The following KCNIP1 variants were observed in gnomAD, a reference collection of about 807,000 sequenced individuals.
KCNIP1 encodes the protein potassium voltage-gated channel interacting protein 1, also known as A-type potassium channel modulatory protein KCNIP1.
In KCNIP1, 18 loss-of-function variants were observed where a neutral mutation model predicts 33.0. The observed-to-expected ratio is 0.55, with a 90% CI of 0.38 to 0.81. The LOEUF is 0.81. Among genes scored for constraint, KCNIP1 ranks in the 30% least tolerant of loss-of-function variants. KCNIP1 has a pLI of 0.00. For missense variants in KCNIP1, 238 were observed against 271.6 expected (o/e 0.88, Z 0.87); for synonymous variants, 93 against 98.3 (o/e 0.95, Z 0.32).
At chr5:170,416,880 C>T (rs1354848497) in intron 1 of KCNIP1, among the ~76,000 whole-genome samples, 1 of 152,168 alleles carries the variant, frequency 6.6e-6, no homozygotes, top group African/African-American at 2.4e-5. Context: ...ACTAAAATTT[C>T]TAAGATATGT....
chr5:170,378,717 G>A (rs200312354), intron 1 of KCNIP1: 56 of 1,611,134 alleles, frequency 3.5e-5, no homozygotes, highest in Middle Eastern at 1.6e-4. Context: ...CTTCTGGGCC[G>A]CCAGGATGGA....
At chr5:170,626,489 AG>A (rs1371187110) in intron 1 of KCNIP1, among the ~76,000 whole-genome samples, 2 of 152,212 alleles carry the variant, frequency 1.3e-5, no homozygotes, top group Admixed American at 6.5e-5. Flanking sequence ...CCGACTAGGA[AG>A]GAGTATGTGC....
intron 1 of KCNIP1, among the ~76,000 whole-genome samples, chr5:170,695,951 G>A (rs996285484): frequency 2.0e-5 from 3 of 150,214 alleles, no homozygotes; most frequent in Non-Finnish European, 4.4e-5. Flanking sequence ...CCAGGGATTC[G>A]AAGGTTGCAG....
At position 170,504,411 on chromosome 5, in the gene KCNIP1, C is replaced by G; in HGVS notation, c.-162C>G. The G allele has an allele frequency of 6.9e-7, 1 of 1,459,532 alleles. No individual in the cohort carries two copies. Among genetic ancestry groups the G allele is most frequent in the East Asian group, 2.4e-5 (1 of 40,846 alleles). 90.4% of individuals were successfully genotyped at this position (1,459,532 alleles called of 1,614,324 possible). A position where few individuals can be genotyped will look rare whatever the true frequency, so the allele number is the denominator to read the frequency against. ...GGGGCTGAAGAAGGAAGCCAGAAGC[C>G]TCCTAGCCTCGCCTCCACGCTTGCT... On this transcript the variant is annotated 5_prime_UTR_variant, in exon 1 of 8. Coordinates refer to ENST00000328939, the MANE Select transcript of KCNIP1 (RefSeq NM_014592.4). The surrounding 1 kb of genome is among the most constrained non-coding windows in gnomAD (Gnocchi z 6.0).
chr5:170,688,909 T>C (rs1762629346), intron 1 of KCNIP1, among the ~76,000 whole-genome samples: 1 of 132,206 alleles, frequency 7.6e-6, no homozygotes, highest in African/African-American at 2.8e-5. Flanking sequence ...TCTCCAGGGC[T>C]AACCAGTTAG....
intron 1 of KCNIP1, among the ~76,000 whole-genome samples, chr5:170,397,899 A>G (rs1754802399): frequency 6.6e-6 from 1 of 152,220 alleles, no homozygotes; most frequent in Non-Finnish European, 1.5e-5. Flanking sequence ...GGGGGCTGCC[A>G]GGTTATAGGT....
intron 1 of KCNIP1, among the ~76,000 whole-genome samples, chr5:170,511,984 C>G (rs1437914161): frequency 6.6e-6 from 1 of 152,200 alleles, no homozygotes; most frequent in Non-Finnish European, 1.5e-5. Flanking sequence ...GAGCTACGTG[C>G]AGGCCCTGAG....
intron 1 of KCNIP1, among the ~76,000 whole-genome samples, chr5:170,585,157 A>G (rs1044545007): frequency 6.8e-6 from 1 of 146,588 alleles, no homozygotes; most frequent in South Asian, 2.2e-4. Flanking sequence ...AAGAAAAAAA[A>G]GAAAAAAAAA....
intron 1 of KCNIP1, among the ~76,000 whole-genome samples, chr5:170,446,797 C>T (rs1045031134): frequency 7.2e-5 from 11 of 152,152 alleles, no homozygotes; most frequent in Admixed American, 4.6e-4. Flanking sequence ...GGACCTGCCA[C>T]ATGTCCAAAT....
intron 1 of KCNIP1, chr5:170,376,922 G>C (rs1300770557): frequency 1.3e-5 from 2 of 152,156 alleles, no homozygotes; most frequent in Non-Finnish European, 2.9e-5. Flanking sequence ...AACTATAGTT[G>C]CCATTTTAAA....
intron 1 of KCNIP1, among the ~76,000 whole-genome samples, chr5:170,584,354 AAG>A (rs1757907944): frequency 1.3e-5 from 2 of 152,188 alleles, no homozygotes; most frequent in African/African-American, 4.8e-5. Flanking sequence ...AGTAGGAAGC[AAG>A]AGAGGCAGCT....
chr5:170,410,044 A>G (rs111231966), intron 1 of KCNIP1, among the ~76,000 whole-genome samples: 9 of 152,346 alleles, frequency 5.9e-5, no homozygotes, highest in African/African-American at 2.2e-4. Flanking sequence ...GTTTTATATG[A>G]TTTTGTTCTA....
At chr5:170,403,480 G>A (rs973154792) in intron 1 of KCNIP1, among the ~76,000 whole-genome samples, 3 of 152,210 alleles carry the variant, frequency 2.0e-5, no homozygotes, top group African/African-American at 7.2e-5. Context: ...GAGGGATGGG[G>A]CTGTAGGCAG....
chr5:170,378,896 T>C (rs751314576), intron 1 of KCNIP1: 2 of 1,614,252 alleles, frequency 1.2e-6, no homozygotes, highest in Admixed American at 3.3e-5. Flanking sequence ...CCTGCTGCTC[T>C]TGGAATTTGG....
chr5:170,538,674 CA>C (rs1269139224), intron 1 of KCNIP1, among the ~76,000 whole-genome samples: 1 of 151,798 alleles, frequency 6.6e-6, no homozygotes, highest in Non-Finnish European at 1.5e-5. Context: ...ATGCTGCCCC[CA>C]AAACTCTCAG....
At chr5:170,451,360 G>A (rs928804875) in intron 1 of KCNIP1, among the ~76,000 whole-genome samples, 6 of 152,076 alleles carry the variant, frequency 3.9e-5, no homozygotes, top group Non-Finnish European at 7.4e-5. Context: ...ACTGCCTGAT[G>A]GCATCCAATT....
At chr5:170,539,594 T>G (rs1384906236) in intron 1 of KCNIP1, among the ~76,000 whole-genome samples, 1 of 152,186 alleles carries the variant, frequency 6.6e-6, no homozygotes, top group East Asian at 1.9e-4. Flanking sequence ...CCTGTTTTAT[T>G]TTCCCCATAG....
At chr5:170,715,247 G>C (rs111671920) in intron 1 of KCNIP1, among the ~76,000 whole-genome samples, 1 of 152,132 alleles carries the variant, frequency 6.6e-6, no homozygotes, top group Non-Finnish European at 1.5e-5. Context: ...GTGTGTAGCA[G>C]GGCTACCCCA....
intron 7 of KCNIP1, among the ~76,000 whole-genome samples, chr5:170,735,101 T>C (rs150674632): frequency 1.4e-3 from 220 of 152,336 alleles, no homozygotes; most frequent in African/African-American, 5.2e-3. Flanking sequence ...ACCTTTTCAT[T>C]TCTGATATTG....
Sources: gnomAD v4.1 joint callset for allele counts (sites outside exome capture counted in the v4.1 genomes callset) on GRCh38, gnomAD v4.1.1 for gene constraint, Gnocchi (gnomAD v3.1) non-coding constraint, MANE v1.5 for transcripts, NCBI Gene and HGNC (gene_info 2026-07-23, HGNC 2026-07-21) for gene names.